The following ZMYM2 variants were observed in gnomAD, a reference collection of about 807,000 sequenced individuals.
ZMYM2 encodes the protein zinc finger MYM-type protein 2.
ZMYM2 carries 56 observed loss-of-function variants against 162.8 expected under a neutral mutation model. The observed-to-expected ratio is 0.34, with a 90% CI of 0.28 to 0.43. The LOEUF is 0.43. ZMYM2 is among the 20% of genes least tolerant of loss of function. ZMYM2 has a pLI of 1.00. For synonymous variants in ZMYM2, 510 were observed against 541.6 expected (o/e 0.94, Z 0.81); for missense variants, 1,275 against 1,621.8 (o/e 0.79, Z 3.67).
At chr13:19,946,408 C>A in the ZMYM2 span, among the ~76,000 whole-genome samples, 1 of 152,170 alleles carries the variant, frequency 6.6e-6, no homozygotes, top group Non-Finnish European at 1.5e-5. Context: ...AAGTTTAATT[C>A]TTGATTTTCC....
At chr13:19,997,513 G>A (rs1950103842) in intron 3 of ZMYM2, among the ~76,000 whole-genome samples, 1 of 152,108 alleles carries the variant, frequency 6.6e-6, no homozygotes, top group South Asian at 2.1e-4. Context: ...AGAAGTGTGT[G>A]TATGTGTGTA....
intron 17 of ZMYM2, among the ~76,000 whole-genome samples, chr13:20,061,947 T>TA (rs112325450): frequency 0.027 from 4,164 of 152,302 alleles, 122 homozygotes; most frequent in East Asian, 0.13. Context: ...GAGTTTATCT[T>TA]AACCTCTGTT....
chr13:19,974,562 T>G (rs1956619590), intron 2 of ZMYM2, among the ~76,000 whole-genome samples: 1 of 151,556 alleles, frequency 6.6e-6, no homozygotes, highest in South Asian at 2.1e-4. Context: ...TGCAGTCTCT[T>G]CCGGGTTCAA....
intron 10 of ZMYM2, among the ~76,000 whole-genome samples, chr13:20,033,183 G>C (rs1953359469): frequency 1.3e-5 from 2 of 152,022 alleles, no homozygotes; most frequent in Non-Finnish European, 1.5e-5. Flanking sequence ...CAGAATAATA[G>C]TGTCATATAG....
At chr13:19,915,123 G>A in the ZMYM2 span, among the ~76,000 whole-genome samples, 2 of 152,060 alleles carry the variant, frequency 1.3e-5, no homozygotes, top group Admixed American at 6.6e-5. Context: ...CACCATACCT[G>A]GCTAATTTTG....
intron 2 of ZMYM2, among the ~76,000 whole-genome samples, chr13:19,964,116 C>T (rs904911042): frequency 3.3e-5 from 5 of 152,114 alleles, no homozygotes; most frequent in Non-Finnish European, 7.3e-5. Context: ...CAGTGGCTCA[C>T]GCCTGTAATC....
the ZMYM2 span, among the ~76,000 whole-genome samples, chr13:19,930,956 G>A: frequency 1.3e-5 from 2 of 150,912 alleles, no homozygotes; most frequent in African/African-American, 4.9e-5. Flanking sequence ...TGGCTAATAT[G>A]GTGAAACCCC....
At chr13:19,926,115 C>T in the ZMYM2 span, among the ~76,000 whole-genome samples, 11 of 151,432 alleles carry the variant, frequency 7.3e-5, no homozygotes, top group Admixed American at 2.0e-4. Context: ...TGCCCGTCAC[C>T]AAGCCTGGCT....
intron 19 of ZMYM2, among the ~76,000 whole-genome samples, chr13:20,065,359 A>G (rs1956593500): frequency 6.6e-6 from 1 of 152,158 alleles, no homozygotes; most frequent in African/African-American, 2.4e-5. Context: ...CTTAGAAGAA[A>G]ACATAGGCCT....
At chr13:19,939,249 C>G in the ZMYM2 span, among the ~76,000 whole-genome samples, 1 of 151,890 alleles carries the variant, frequency 6.6e-6, no homozygotes, top group African/African-American at 2.4e-5. Context: ...GTCTTGAACT[C>G]CTGACCTCAA....
In ZMYM2 at chr13:20,086,093, T is replaced by A; in HGVS notation, c.*79T>A. On this transcript the variant is annotated 3_prime_UTR_variant, in exon 25 of 25. Transcript: ENST00000610343. ...CTAGATCTTTATTATGGAAAACATT[T>A]CAAGTTTACTCCTTCTGTTTTGAGT... is the stretch of plus-strand genomic sequence containing the variant. 7.1e-7 allele frequency: 1 copy of A among 1,409,994 alleles called. No individual in the cohort carries two copies. The highest frequency in any genetic ancestry group is 2.3e-5 in the East Asian group (1 of 42,950). 87.3% of individuals were successfully genotyped at this position (1,409,994 alleles called of 1,614,324 possible).
At chr13:19,895,552 T>C in the ZMYM2 span, among the ~76,000 whole-genome samples, 1 of 151,884 alleles carries the variant, frequency 6.6e-6, no homozygotes, top group Non-Finnish European at 1.5e-5. Flanking sequence ...GAGCTAGCTC[T>C]GGTCTCTTTC....
chr13:19,875,543 G>C, the ZMYM2 span, among the ~76,000 whole-genome samples: 1 of 142,562 alleles, frequency 7.0e-6, no homozygotes. Context: ...CAGGAGAATC[G>C]CTTGAACCCG....
chr13:20,061,007 C>T, intron 16 of ZMYM2, 46 bp from the exon 17 acceptor site: 2 of 1,541,898 alleles, frequency 1.3e-6, no homozygotes, highest in South Asian at 2.4e-5. Context: ...GGAAAAATAC[C>T]TTTTAATGTT....
chr13:20,026,776 A>G lies in ZMYM2; in HGVS notation c.1735+14A>G. The G allele has an allele frequency of 6.3e-7, 1 of 1,575,458 alleles. No homozygotes were observed. Among genetic ancestry groups the G allele is most frequent in the Middle Eastern group, 1.7e-4 (1 of 5,758 alleles). On this transcript the variant is annotated intron_variant, in intron 8 of 24. Coordinates refer to ENST00000610343, the MANE Select transcript of ZMYM2 (RefSeq NM_197968.4). ...CAAAATCACAAAGTAAGTTTCACAT[A>G]TTTGGACAGTTAAAAAAACTTTACA... is the stretch of plus-strand genomic sequence containing the variant.
At chr13:20,076,426 A>G (rs1042774830) in intron 21 of ZMYM2, among the ~76,000 whole-genome samples, 1 of 150,402 alleles carries the variant, frequency 6.6e-6, no homozygotes, top group African/African-American at 2.5e-5. Flanking sequence ...AGAAAAGTAT[A>G]TTTTTTATTT....
intron 3 of ZMYM2, among the ~76,000 whole-genome samples, chr13:19,997,836 G>A (rs939599288): frequency 2.0e-5 from 3 of 152,118 alleles, no homozygotes; most frequent in African/African-American, 7.2e-5. Flanking sequence ...TTAATACCTA[G>A]CAGTAGATCT....
At chr13:19,884,579 GA>G in the ZMYM2 span, among the ~76,000 whole-genome samples, 5 of 150,740 alleles carry the variant, frequency 3.3e-5, no homozygotes, top group African/African-American at 7.3e-5. Flanking sequence ...GTATCAAAAA[GA>G]AAAAAAAAGC....
At chr13:20,049,345 A>G (rs564179685) in intron 12 of ZMYM2, among the ~76,000 whole-genome samples, 1 of 152,072 alleles carries the variant, frequency 6.6e-6, no homozygotes, top group Admixed American at 6.5e-5. Context: ...CCAAGTGTCT[A>G]ATTGTAGAAC....
Sources: allele counts gnomAD v4.1 joint callset (sites outside exome capture counted in the v4.1 genomes callset), GRCh38; gene constraint gnomAD v4.1.1; transcripts MANE v1.5; gene names NCBI Gene and HGNC (gene_info 2026-07-23, HGNC 2026-07-21).